Variants in NSMCE1 observed in about 807,000 individuals in gnomAD.
NSMCE1 encodes NSE1 component of SMC5/6 complex.
NSMCE1 carries 18 observed loss-of-function variants against 29.6 expected under a neutral mutation model. That is an observed-to-expected ratio of 0.61 (90% CI 0.42 to 0.90). The LOEUF (loss-of-function observed/expected upper bound fraction) is 0.90. NSMCE1 is among the 40% of genes least tolerant of loss of function. The pLI, the probability that NSMCE1 is intolerant of heterozygous loss-of-function variation, is 0.00. For missense variants in NSMCE1, 314 were observed against 343.6 expected, an observed-to-expected ratio of 0.91 and a Z score of 0.68; for synonymous variants, 124 against 133.4, an observed-to-expected ratio of 0.93 and a Z score of 0.49.
At chr16:27,233,232 C>T (rs1478215574) in intron 4 of NSMCE1, 85 bp from the exon 5 acceptor site, 3 of 1,142,490 alleles carry the variant, frequency 2.6e-6, no homozygotes, top group Non-Finnish European at 3.8e-6. Context: ...GGCAGAGGCA[C>T]AGTAAAACCA....
At chr16:27,265,321 A>T (rs2141013558) in intron 1 of NSMCE1, among the ~76,000 whole-genome samples, 1 of 151,530 alleles carries the variant, frequency 6.6e-6, no homozygotes, top group East Asian at 1.9e-4. Context: ...GGCACACACC[A>T]CTATGCCCGG....
intron 2 of NSMCE1, among the ~76,000 whole-genome samples, chr16:27,248,410 T>TC (rs1360972635): frequency 7.0e-6 from 1 of 142,018 alleles, no homozygotes; most frequent in African/African-American, 2.6e-5. Context: ...AGTTTGCTTT[T>TC]TTTTTTTTTT....
At chr16:27,244,666 T>C (rs1298376859) in intron 2 of NSMCE1, among the ~76,000 whole-genome samples, 20 of 152,226 alleles carry the variant, frequency 1.3e-4, no homozygotes, top group Admixed American at 1.2e-3. Context: ...ACAGAAAGGT[T>C]TGAACAGAGG....
intron 2 of NSMCE1, among the ~76,000 whole-genome samples, chr16:27,246,319 T>A (rs574703034): frequency 1.3e-5 from 2 of 152,308 alleles, no homozygotes; most frequent in South Asian, 4.1e-4. Context: ...CTTAAAACAA[T>A]AGATAATTTA....
chr16:27,255,948 C>T (rs1459962833), intron 2 of NSMCE1, among the ~76,000 whole-genome samples: 2 of 152,194 alleles, frequency 1.3e-5, no homozygotes, highest in Non-Finnish European at 2.9e-5. Context: ...AGATGTAATG[C>T]ACTCATGAAG....
rs1418055006 is a variant in NSMCE1 at position 27,232,171 on chromosome 16, C to T, written c.483+830G>A. On this transcript the variant is annotated intron_variant, in intron 5 of 7. Transcript: ENST00000361439. This position sits in a 1 kb window ranked among gnomAD's most constrained non-coding sequence, Gnocchi z 4.5. ...AAGCAGCAGCCTCTGGCCACGAGTC[C>T]GACCACCAAGTGAGGAAGCGGGGAC... Among the ~76,000 whole-genome samples the T allele has an allele frequency of 6.6e-6, 1 of 152,184 alleles. No homozygotes were observed. Among genetic ancestry groups the T allele is most frequent in the African/African-American group, 2.4e-5 (1 of 41,428 alleles).
At chr16:27,242,141 T>C (rs1161217428) in intron 2 of NSMCE1, among the ~76,000 whole-genome samples, 1 of 152,206 alleles carries the variant, frequency 6.6e-6, no homozygotes, top group Non-Finnish European at 1.5e-5. Flanking sequence ...CTCTCCACTT[T>C]TCTGTTTGAC....
At chr16:27,227,727 T>C (rs1333514324) in intron 5 of NSMCE1, among the ~76,000 whole-genome samples, 1 of 152,144 alleles carries the variant, frequency 6.6e-6, no homozygotes, top group East Asian at 1.9e-4. Context: ...TTTTCTGTTA[T>C]TTTCTAATTT....
At chr16:27,252,608 C>T (rs996173291) in intron 2 of NSMCE1, among the ~76,000 whole-genome samples, 6 of 152,214 alleles carry the variant, frequency 3.9e-5, no homozygotes, top group East Asian at 1.9e-4. Flanking sequence ...CAGAAGAAGA[C>T]CCCCGTCTCT....
intron 2 of NSMCE1, among the ~76,000 whole-genome samples, chr16:27,248,816 T>G (rs2083989130): frequency 6.6e-6 from 1 of 152,078 alleles, no homozygotes; most frequent in Non-Finnish European, 1.5e-5. Context: ...CTTACTGGGT[T>G]GTATGTTTTT....
intron 1 of NSMCE1, among the ~76,000 whole-genome samples, chr16:27,263,600 C>T (rs936574923): frequency 1.1e-4 from 16 of 152,108 alleles, no homozygotes; most frequent in African/African-American, 3.4e-4. Flanking sequence ...GGGTACTGGA[C>T]TTAATTCTTG....
chr16:27,241,896 C>A, intron 2 of NSMCE1: 1 of 450,750 alleles, frequency 2.2e-6, no homozygotes. Context: ...ATACCTAAGA[C>A]GGGACAGGAA....
intron 2 of NSMCE1, among the ~76,000 whole-genome samples, chr16:27,248,619 C>T (rs1231094521): frequency 6.6e-6 from 1 of 151,886 alleles, no homozygotes; most frequent in Admixed American, 6.6e-5. Flanking sequence ...CCCTGTTGGT[C>T]AGGATGATCT....
chr16:27,231,637 T>TA (rs71387778), intron 5 of NSMCE1, among the ~76,000 whole-genome samples: 44,242 of 140,564 alleles, frequency 0.31, 6,820 homozygotes, highest in East Asian at 0.47. Flanking sequence ...AACTCCATCT[T>TA]AAAAAAAAAA....
chr16:27,242,880 T>C (rs571989357), intron 2 of NSMCE1, among the ~76,000 whole-genome samples: 1 of 152,332 alleles, frequency 6.6e-6, no homozygotes, highest in East Asian at 1.9e-4. Context: ...ACAGGGGCTC[T>C]GCAGGGGACG....
intron 2 of NSMCE1, among the ~76,000 whole-genome samples, chr16:27,255,908 C>T (rs2084081925): frequency 1.3e-5 from 2 of 152,188 alleles, no homozygotes; most frequent in South Asian, 4.1e-4. Flanking sequence ...AATGCATTTG[C>T]ATGCAAAGGC....
chr16:27,237,244 G>A (rs537940324), intron 2 of NSMCE1, among the ~76,000 whole-genome samples: 11 of 152,334 alleles, frequency 7.2e-5, no homozygotes, highest in Non-Finnish European at 1.0e-4. Flanking sequence ...ATCTGGCCTC[G>A]GCGGCTGGAG....
At chr16:27,259,037 C>A (rs1453194267) in intron 1 of NSMCE1, among the ~76,000 whole-genome samples, 2 of 152,180 alleles carry the variant, frequency 1.3e-5, no homozygotes. Flanking sequence ...GTGTGAGCCA[C>A]CACGCCCAGC....
At chr16:27,234,710 C>T (rs952698530) in intron 3 of NSMCE1, among the ~76,000 whole-genome samples, 38 of 152,192 alleles carry the variant, frequency 2.5e-4, no homozygotes, top group African/African-American at 9.2e-4. Flanking sequence ...GAGTGTGAGC[C>T]TGGCTGGGAG....
Sources: allele counts gnomAD v4.1 joint callset (sites outside exome capture counted in the v4.1 genomes callset), GRCh38; gene constraint gnomAD v4.1.1; non-coding constraint Gnocchi (gnomAD v3.1); transcripts MANE v1.5; gene names NCBI Gene and HGNC (gene_info 2026-07-23, HGNC 2026-07-21).